The following HTR3B variants were observed in gnomAD, a reference collection of about 807,000 sequenced individuals.
HTR3B encodes 5-hydroxytryptamine (serotonin) receptor 3B, ionotropic.
HTR3B carries 44 observed loss-of-function variants against 42.8 expected under a neutral mutation model. The ratio of observed to expected loss-of-function variants is 1.03; its 90% CI spans 0.81 to 1.32. HTR3B has a LOEUF of 1.32. HTR3B is among the 40% of genes most tolerant of loss of function. The pLI is 0.00. For synonymous variants in HTR3B, 203 were observed against 209.0 expected (o/e 0.97, Z 0.25); for missense variants, 527 against 536.5 (o/e 0.98, Z 0.17).
At chr11:113,907,302 A>G (rs1278145134) in intron 1 of HTR3B, among the ~76,000 whole-genome samples, 2 of 152,228 alleles carry the variant, frequency 1.3e-5, no homozygotes, top group Admixed American at 1.3e-4. Flanking sequence ...AACATCACTG[A>G]ACTGTGAGTC....
At chr11:113,908,287 G>T (rs559572793) in intron 1 of HTR3B, among the ~76,000 whole-genome samples, 1 of 152,130 alleles carries the variant, frequency 6.6e-6, no homozygotes, top group Non-Finnish European at 1.5e-5. Context: ...CAGGATTGTC[G>T]CACAGGGAGA....
At chr11:113,938,437 T>G (rs1950108356) in intron 6 of HTR3B, among the ~76,000 whole-genome samples, 1 of 152,144 alleles carries the variant, frequency 6.6e-6, no homozygotes, top group Non-Finnish European at 1.5e-5. Context: ...TTGATTATGG[T>G]CCATTCTGGG....
chr11:113,916,886 G>A (rs557635676), intron 2 of HTR3B, among the ~76,000 whole-genome samples: 1 of 152,090 alleles, frequency 6.6e-6, no homozygotes, highest in Non-Finnish European at 1.5e-5. Flanking sequence ...GGGATTCTGT[G>A]ACCCTTACAT....
upstream of HTR3B, among the ~76,000 whole-genome samples, chr11:113,902,034 A>G (rs1949700583): frequency 1.3e-5 from 2 of 152,212 alleles, no homozygotes; most frequent in Admixed American, 6.5e-5. Context: ...TGAGGGCCAG[A>G]TCAGTCCTCT....
rs1021375406 is a variant in HTR3B, at chr11:113,945,882, T to C, written c.1091-20T>C. 5.1e-6 allele frequency: 8 copies of C among 1,576,396 alleles called. No individual in the cohort carries two copies. The highest frequency in any genetic ancestry group is 7.0e-6 in the Non-Finnish European group (8 of 1,145,976). On this transcript the variant is annotated intron_variant, in intron 8 of 8. Transcript: ENST00000260191. ...TTGGTAGTCCCTGGCTCACCCAGGG[T>C]GTTTTCCTCCATCACACAGAGTCCT... is the stretch of plus-strand genomic sequence containing the variant.
In HTR3B at chr11:113,932,399, A is replaced by T; in HGVS notation, c.479A>T (p.Tyr160Phe). The part of the protein sequence containing the change: ...QVVSACSLET[Y>F]AFPFDVQNCS... ...GTCTCTGCGTGCAGTTTAGAGACAT[A>T]TGCTTTTCCATTTGATGTCCAGAAT... is the stretch of plus-strand genomic sequence containing the variant. The change falls in exon 5 of 9, where the codon TAT (tyrosine) becomes TTT (phenylalanine). Residue 160 changes from tyrosine (Y) to phenylalanine (F), a missense_variant. Tyr to Phe is a conservative substitution (Grantham distance 22, BLOSUM62 3). Coordinates refer to ENST00000260191, the MANE Select transcript of HTR3B (RefSeq NM_006028.5). The T allele has an allele frequency of 6.2e-7, 1 of 1,614,122 alleles. No individual in the cohort carries two copies. Among genetic ancestry groups the T allele is most frequent in the South Asian group, 1.1e-5 (1 of 91,084 alleles).
At chr11:113,926,031 A>AC (rs1296284622) in intron 2 of HTR3B, among the ~76,000 whole-genome samples, 1 of 151,532 alleles carries the variant, frequency 6.6e-6, no homozygotes, top group Non-Finnish European at 1.5e-5. Flanking sequence ...CTCACATTCC[A>AC]CCCCCAGCAG....
At chr11:113,942,480 C>A (rs1950144182) in intron 6 of HTR3B, among the ~76,000 whole-genome samples, 1 of 152,120 alleles carries the variant, frequency 6.6e-6, no homozygotes, top group African/African-American at 2.4e-5. Flanking sequence ...AAAAGTAATA[C>A]AATATATTGC....
intron 6 of HTR3B, among the ~76,000 whole-genome samples, chr11:113,935,125 A>G (rs1356298130): frequency 8.0e-6 from 1 of 125,092 alleles, no homozygotes; most frequent in Non-Finnish European, 1.9e-5. Flanking sequence ...TTCACCCTAA[A>G]TGTTAATTCG....
chr11:113,918,200 C>T (rs1949875448), intron 2 of HTR3B, among the ~76,000 whole-genome samples: 1 of 151,608 alleles, frequency 6.6e-6, no homozygotes, highest in Admixed American at 6.6e-5. Context: ...ATTACAGTGT[C>T]AATACTAGAA....
At chr11:113,899,383 A>G in the HTR3B span, among the ~76,000 whole-genome samples, 1 of 152,198 alleles carries the variant, frequency 6.6e-6, no homozygotes, top group Non-Finnish European at 1.5e-5. Flanking sequence ...GACTCTACTC[A>G]TTAAATGTTT....
Position 113,904,799 on chromosome 11 carries a change from A to T in HTR3B, c.-135A>T. 1 of 690,132 alleles carries T rather than the reference A, an allele frequency of 1.4e-6. No individual in the cohort carries two copies. Among genetic ancestry groups the T allele is most frequent in the South Asian group, 1.7e-5 (1 of 59,354 alleles). 42.8% of individuals were successfully genotyped at this position (690,132 alleles called of 1,614,324 possible). On this transcript the variant is annotated 5_prime_UTR_variant, in exon 1 of 9. Coordinates refer to ENST00000260191, the MANE Select transcript of HTR3B (RefSeq NM_006028.5). ...TCCCACTGAGTGTTTACAAAATAGC[A>T]CCAGTAAGGATAGCATCAACTGGCA...
At chr11:113,921,950 T>C (rs76613483) in intron 2 of HTR3B, among the ~76,000 whole-genome samples, 9,297 of 152,236 alleles carry the variant, frequency 0.061, 327 homozygotes, top group African/African-American at 0.081. Flanking sequence ...TTATATTCTG[T>C]CCCTCTAGTT....
upstream of HTR3B, among the ~76,000 whole-genome samples, chr11:113,900,017 A>G (rs1463263659): frequency 6.6e-6 from 1 of 152,164 alleles, no homozygotes; most frequent in Admixed American, 6.5e-5. Context: ...CTGTAATCTT[A>G]AAACTTTGGG....
intron 2 of HTR3B, among the ~76,000 whole-genome samples, chr11:113,914,757 C>A (rs887017734): frequency 6.6e-6 from 1 of 152,004 alleles, no homozygotes; most frequent in East Asian, 1.9e-4. Flanking sequence ...ATTGTGTTGG[C>A]CTTATAAAAC....
chr11:113,924,009 C>T (rs1949942785), intron 2 of HTR3B, among the ~76,000 whole-genome samples: 1 of 152,072 alleles, frequency 6.6e-6, no homozygotes, highest in Admixed American at 6.6e-5. Flanking sequence ...GAAGAATCAA[C>T]TGAATAAAAT....
intron 2 of HTR3B, among the ~76,000 whole-genome samples, chr11:113,924,339 G>A (rs1403613232): frequency 1.3e-5 from 2 of 152,048 alleles, no homozygotes; most frequent in Non-Finnish European, 2.9e-5. Flanking sequence ...AAGAAGGCTG[G>A]GCACGGTGGC....
chr11:113,920,643 G>C (rs1276953450), intron 2 of HTR3B, among the ~76,000 whole-genome samples: 1 of 151,990 alleles, frequency 6.6e-6, no homozygotes, highest in Non-Finnish European at 1.5e-5. Context: ...CAAAGTGCTG[G>C]GATTACAGGC....
rs752233425 is a variant in HTR3B at position 113,932,303 on chromosome 11, G to C, written c.383G>C (p.Arg128Thr). Residue 128 changes from arginine to threonine, a missense_variant, in exon 5 of 9, where the codon AGA (arginine) becomes ACA (threonine). Physicochemically the swap from Arg to Thr is moderately conservative, Grantham distance 71. Coordinates refer to ENST00000260191, the MANE Select transcript of HTR3B (RefSeq NM_006028.5). ...GTTTCATATAGTGTGGACATTGAAA[G>C]ATACCCTGACCTTCCCTATGTTTAT... ...IIINEFVDIERYPDLPYVYVN... is the reference protein window; with the variant it reads ...IIINEFVDIETYPDLPYVYVN... The C allele has an allele frequency of 2.5e-6, 4 of 1,612,434 alleles. No individual in the cohort carries two copies. The highest frequency in any genetic ancestry group is 3.4e-6 in the Non-Finnish European group (4 of 1,178,890).
Sources: gnomAD v4.1 joint callset for allele counts (sites outside exome capture counted in the v4.1 genomes callset) on GRCh38, gnomAD v4.1.1 for gene constraint, MANE v1.5 for transcripts, NCBI Gene and HGNC (gene_info 2026-07-23, HGNC 2026-07-21) for gene names.